The following EPB41L5 variants were observed in gnomAD, a reference collection of about 807,000 sequenced individuals.
EPB41L5 encodes the protein erythrocyte membrane protein band 4.1 like 5.
A neutral mutation model predicts 106.6 loss-of-function variants in EPB41L5; 55 were observed. The ratio of observed to expected loss-of-function variants is 0.52; its 90% CI spans 0.42 to 0.65. EPB41L5 has a LOEUF of 0.65. Ranked by LOEUF, EPB41L5 falls within the 30% of genes least tolerant of loss-of-function variation. The pLI is 0.00. For synonymous variants in EPB41L5, 297 were observed against 306.7 expected, an observed-to-expected ratio of 0.97 and a Z score of 0.33; for missense variants, 871 against 882.1, an observed-to-expected ratio of 0.99 and a Z score of 0.16.
chr2:120,137,389 A>C (rs1453628332), intron 18 of EPB41L5, among the ~76,000 whole-genome samples: 1 of 151,964 alleles, frequency 6.6e-6, no homozygotes, highest in Non-Finnish European at 1.5e-5. Flanking sequence ...AAGGAAATTG[A>C]AACCAAAAAA....
At chr2:120,080,619 A>G (rs1265278291) in intron 10 of EPB41L5, among the ~76,000 whole-genome samples, 2 of 152,218 alleles carry the variant, frequency 1.3e-5, no homozygotes, top group Non-Finnish European at 2.9e-5. Flanking sequence ...TTGGGTATAT[A>G]CCCAGTAATG....
At chr2:120,015,050 G>T (rs1359624481) in intron 1 of EPB41L5, among the ~76,000 whole-genome samples, 1 of 150,652 alleles carries the variant, frequency 6.6e-6, no homozygotes, top group Non-Finnish European at 1.5e-5. Flanking sequence ...TAGGCCAGGC[G>T]CAGTGGCTCA....
chr2:120,108,611 GGA>G (rs541506808), intron 16 of EPB41L5: 43 of 152,246 alleles, frequency 2.8e-4, no homozygotes, highest in African/African-American at 1.0e-3. Flanking sequence ...ACTAGTTAGA[GGA>G]GTATTCAGAT....
intron 2 of EPB41L5, among the ~76,000 whole-genome samples, chr2:120,026,674 C>T (rs1678341226): frequency 6.6e-6 from 1 of 152,090 alleles, no homozygotes; most frequent in African/African-American, 2.4e-5. Context: ...CGGCCTGGCA[C>T]CACTTTCTTA....
At position 120,175,257 on chromosome 2, in the gene EPB41L5, T is replaced by C; in HGVS notation, c.*350T>C. ...AACAACTTCATAACAAGCCTGCCTC[T>C]GGTAGTCAACAGCCTTTTGAAAGCT... On this transcript the variant is annotated 3_prime_UTR_variant, in exon 25 of 25. Coordinates refer to ENST00000263713, the MANE Select transcript of EPB41L5 (RefSeq NM_020909.4). 2 of 224,550 alleles carry C rather than the reference T, an allele frequency of 8.9e-6. No individual in the cohort carries two copies. Among genetic ancestry groups the C allele is most frequent in the Non-Finnish European group, 1.8e-5 (2 of 108,440 alleles). 13.9% of individuals were successfully genotyped at this position (224,550 alleles called of 1,614,324 possible). A position where few individuals can be genotyped will look rare whatever the true frequency, so the allele number is the denominator to read the frequency against.
chr2:120,126,553 G>A (rs577158577), intron 16 of EPB41L5, among the ~76,000 whole-genome samples: 2 of 152,196 alleles, frequency 1.3e-5, no homozygotes, highest in Middle Eastern at 3.4e-3. Context: ...TTGTTAAAAA[G>A]CCTGTCTTTT....
chr2:120,023,513 G>T (rs1457253058), intron 2 of EPB41L5, among the ~76,000 whole-genome samples: 2 of 152,226 alleles, frequency 1.3e-5, no homozygotes, highest in East Asian at 3.9e-4. Flanking sequence ...TGTTATTTCT[G>T]AGGCCTCTGT....
chr2:120,013,523 G>A (rs1677289163), intron 1 of EPB41L5: 1 of 152,246 alleles, frequency 6.6e-6, no homozygotes, highest in African/African-American at 2.4e-5. Context: ...CCGAGCCGCG[G>A]GTACCCCTCG....
At chr2:120,133,733 C>T (rs145790644) in intron 18 of EPB41L5, among the ~76,000 whole-genome samples, 1 of 152,234 alleles carries the variant, frequency 6.6e-6, no homozygotes, top group Non-Finnish European at 1.5e-5. Flanking sequence ...GGGCTCAGAG[C>T]CAGTGGACCT....
Position 120,013,168 on chromosome 2 carries a change from C to T in EPB41L5, c.-51C>T, listed in dbSNP as rs1677241084. 1 of 152,324 alleles carries T rather than the reference C, an allele frequency of 6.6e-6. No individual in the cohort carries two copies. Among genetic ancestry groups the T allele is most frequent in the South Asian group, 2.1e-4 (1 of 4,836 alleles). The allele number at this position is 152,324 out of a possible 1,614,324, so 9.4% of individuals were successfully genotyped here. A position where few individuals can be genotyped will look rare whatever the true frequency, so the allele number is the denominator to read the frequency against. On this transcript the variant is annotated 5_prime_UTR_variant, in exon 1 of 25. Transcript: ENST00000263713. ...GCCCCTTTCTCAGCCTTGCTCGGCT[C>T]TTCCCCGCTCTGGTCGCCGGGGCTG...
At chr2:120,154,235 C>T (rs564532019) in intron 20 of EPB41L5, among the ~76,000 whole-genome samples, 98 of 151,912 alleles carry the variant, frequency 6.5e-4, no homozygotes, top group African/African-American at 2.3e-3. Context: ...CTTGGCTCAC[C>T]GCAACCTCTG....
chr2:120,167,750 AAC>A, intron 23 of EPB41L5, 125 bp from the exon 24 acceptor site: 1 of 1,243,442 alleles, frequency 8.0e-7, no homozygotes, highest in East Asian at 2.3e-5. Context: ...AAACAAAACA[AAC>A]AGTCATAATT....
At chr2:120,174,234 T>C (rs368002956) in intron 24 of EPB41L5, among the ~76,000 whole-genome samples, 15 of 152,192 alleles carry the variant, frequency 9.9e-5, no homozygotes, top group African/African-American at 3.4e-4. Flanking sequence ...GGAGGGCAGA[T>C]GGCTTGAGCC....
At chr2:120,140,104 A>G (rs1558901395) in intron 18 of EPB41L5, among the ~76,000 whole-genome samples, 1 of 152,046 alleles carries the variant, frequency 6.6e-6, no homozygotes, top group Non-Finnish European at 1.5e-5. Flanking sequence ...GGAGCCAAAA[A>G]ACGAAGAATT....
intron 1 of EPB41L5, among the ~76,000 whole-genome samples, chr2:120,015,555 T>C (rs1221967640): frequency 1.3e-5 from 2 of 152,154 alleles, no homozygotes; most frequent in Non-Finnish European, 2.9e-5. Context: ...GTATCCCATC[T>C]CCGTGTAGGA....
intron 16 of EPB41L5, among the ~76,000 whole-genome samples, chr2:120,120,419 G>A (rs539904044): frequency 2.9e-4 from 32 of 109,898 alleles, no homozygotes; most frequent in Non-Finnish European, 5.0e-4. Context: ...GTGACAGAGC[G>A]ACACTCAATC....
intron 3 of EPB41L5, among the ~76,000 whole-genome samples, chr2:120,068,979 T>C (rs983499741): frequency 1.3e-4 from 20 of 151,558 alleles, no homozygotes; most frequent in Admixed American, 4.6e-4. Flanking sequence ...AATTCAAAAA[T>C]TAGCCGGGTG....
intron 16 of EPB41L5, chr2:120,104,720 A>G: frequency 1.1e-6 from 1 of 943,098 alleles, no homozygotes; most frequent in Non-Finnish European, 1.3e-6. Flanking sequence ...AATATGTCTA[A>G]AGTGACACAT....
chr2:120,134,138 G>A (rs1352525030), intron 18 of EPB41L5, among the ~76,000 whole-genome samples: 1 of 152,014 alleles, frequency 6.6e-6, no homozygotes, highest in Non-Finnish European at 1.5e-5. Context: ...CTGGTACCAT[G>A]CTGGCTTCAG....
Sources: allele counts gnomAD v4.1 joint callset (sites outside exome capture counted in the v4.1 genomes callset), GRCh38; gene constraint gnomAD v4.1.1; transcripts MANE v1.5; gene names NCBI Gene and HGNC (gene_info 2026-07-23, HGNC 2026-07-21).